The following OAS1 variants were observed in gnomAD, a reference collection of about 807,000 sequenced individuals.
The protein encoded by OAS1 is 2'-5'-oligoadenylate synthetase 1.
Under a neutral mutation model 38.5 loss-of-function variants are expected in OAS1, and 24 were observed. The ratio of observed to expected loss-of-function variants is 0.62; its 90% CI spans 0.45 to 0.88. OAS1 has a LOEUF of 0.88. Ranked by LOEUF, OAS1 falls within the 40% of genes least tolerant of loss-of-function variation. The pLI is 0.00. For missense variants in OAS1, 482 were observed against 493.9 expected (o/e 0.98, Z 0.23); for synonymous variants, 169 against 193.9 (o/e 0.87, Z 1.07).
rs2043309267 is a variant in OAS1, at chr12:112,907,213, G to A, written c.174G>A (p.Val58=). ...GSSYPVCVSK[V]VKGGSSGKGT... is the part of the protein sequence containing the mutation. ...CCTACCCTGTGTGTGTGTCCAAGGTGGTAAAGGTGAGTCCAGGCCTGCCTG... is the reference window on the plus strand; with the variant it reads ...CCTACCCTGTGTGTGTGTCCAAGGTAGTAAAGGTGAGTCCAGGCCTGCCTG... Residue 58 remains valine, a synonymous_variant, in exon 1 of 6, where the codon GTG becomes GTA. Coordinates refer to ENST00000202917, the MANE Select transcript of OAS1 (RefSeq NM_016816.4). 6.2e-7 allele frequency: 1 copy of A among 1,614,004 alleles called. No homozygotes were observed. Among genetic ancestry groups the A allele is most frequent in the African/African-American group, 1.3e-5 (1 of 74,914 alleles).
At chr12:112,922,726 C>A (rs1281961327), downstream of OAS1, among the ~76,000 whole-genome samples, 1 of 152,224 alleles carries the variant, frequency 6.6e-6, no homozygotes, top group African/African-American at 2.4e-5. Flanking sequence ...ATCCACTCCT[C>A]TTCACTGTGC....
In OAS1 at chr12:112,925,746, G is replaced by A. The variant is rs370273044; in HGVS notation, c.1167+6131G>A. Among the ~76,000 whole-genome samples the A allele has an allele frequency of 8.5e-4, 129 of 152,264 alleles. 1 individual carries two copies. The highest frequency in any genetic ancestry group is 7.2e-4 in the Admixed American group (11 of 15,286). The stretch of plus-strand genomic sequence containing the variant: ...GGCTGCAGTGAGCCATGATCAAGCC[G>A]CTGCACTCCAGCCTGGGCAACAGAA... On this transcript the variant is annotated intron_variant, in intron 6 of 6. Transcript: ENST00000540589.
At position 112,918,156 on chromosome 12, in the gene OAS1, C is replaced by A. The variant is rs533201363; in HGVS notation, c.1038+456C>A. On this transcript the variant is annotated intron_variant, in intron 5 of 5. Coordinates refer to ENST00000202917, the MANE Select transcript of OAS1 (RefSeq NM_016816.4). ...TTGATCCTGTCGCCCAAATAGTGAA[C>A]AGAGTACCCAAAAAGAATTTTTTCA... 9.8e-5 allele frequency: 20 copies of A among 203,370 alleles called. No individual in the cohort carries two copies. The South Asian group carries it at 1.7e-3, about 17-fold the overall frequency. 12.6% of individuals were successfully genotyped at this position (203,370 alleles called of 1,614,324 possible).
chr12:112,916,296 A>G (rs983462839), intron 3 of OAS1, among the ~76,000 whole-genome samples: 2 of 152,184 alleles, frequency 1.3e-5, no homozygotes, highest in Non-Finnish European at 2.9e-5. Flanking sequence ...AATATTTTAG[A>G]CTTTGTGGAC....
In OAS1 at chr12:112,909,930, C is replaced by G. The variant is rs574143179; in HGVS notation, c.469+1106C>G. Among the ~76,000 whole-genome samples, 6 of 152,202 alleles carry G rather than the reference C, an allele frequency of 3.9e-5. No individual in the cohort carries two copies. In the South Asian group the frequency reaches 1.2e-3, roughly 32 times the overall value. On this transcript the variant is annotated intron_variant, in intron 2 of 5. Transcript: ENST00000202917. ...AGTAATTAGGACTTAATTAAAGGAA[C>G]TGTCACAGTTTCCTTTAGTCCTAGG... is the stretch of plus-strand genomic sequence containing the variant.
At chr12:112,911,643 A>G (rs996058385) in intron 3 of OAS1, among the ~76,000 whole-genome samples, 2 of 152,214 alleles carry the variant, frequency 1.3e-5, no homozygotes, top group Admixed American at 6.5e-5. Flanking sequence ...ATATATGTTC[A>G]GATGCCCTTT....
At chr12:112,923,115 T>C (rs1305232623), downstream of OAS1, among the ~76,000 whole-genome samples, 1 of 152,248 alleles carries the variant, frequency 6.6e-6, no homozygotes, top group African/African-American at 2.4e-5. Context: ...ACATTAATTT[T>C]CTTTAACGAA....
intron 5 of OAS1, chr12:112,918,045 A>T: frequency 2.7e-6 from 2 of 736,092 alleles, no homozygotes; most frequent in Non-Finnish European, 1.9e-6. Flanking sequence ...GGCATTTTTA[A>T]AAATTTTTTA....
intron 5 of OAS1, chr12:112,917,974 G>A: frequency 7.3e-7 from 1 of 1,370,138 alleles, no homozygotes; most frequent in Non-Finnish European, 9.5e-7. Context: ...TTCGGGCTCA[G>A]GTTCTGTCCT....
chr12:112,911,183 GC>G lies in OAS1; in HGVS notation c.606del (p.Thr203ProfsTer9), dbSNP rs1565960097. On this transcript the variant is annotated frameshift_variant, in exon 3 of 6. Transcript: ENST00000202917. LOFTEE classifies it high-confidence loss of function. ...TELQRDFLKQ[R>X]PTKLKSLIRL... ...CTACAGAGAGACTTCCTGAAGCAGC[GC>G]CCCACCAAGCTCAAGAGCCTCATCC... 6.2e-7 allele frequency: 1 copy of G among 1,613,772 alleles called. No homozygotes were observed. Among genetic ancestry groups the G allele is most frequent in the African/African-American group, 1.3e-5 (1 of 74,884 alleles).
At chr12:112,922,336 T>G (rs1204284987), downstream of OAS1, among the ~76,000 whole-genome samples, 1 of 152,172 alleles carries the variant, frequency 6.6e-6, no homozygotes, top group Non-Finnish European at 1.5e-5. Flanking sequence ...ATGGCTCCCC[T>G]TAACCCCCTG....
At chr12:112,926,162 TG>T (rs1430956514) in intron 6 of OAS1, among the ~76,000 whole-genome samples, 2 of 152,116 alleles carry the variant, frequency 1.3e-5, no homozygotes, top group Non-Finnish European at 2.9e-5. Context: ...CAGGAGCCTG[TG>T]GGGGGTAATG....
chr12:112,917,090 G>T lies in OAS1; in HGVS notation c.884+352G>T, dbSNP rs2043471269. The T allele has an allele frequency of 2.3e-5, 8 of 342,790 alleles. No homozygotes were observed. In the South Asian group the frequency reaches 2.9e-4, roughly 12 times the overall value. The allele number at this position is 342,790 out of a possible 1,614,324, so 21.2% of individuals were successfully genotyped here. On this transcript the variant is annotated intron_variant, in intron 4 of 5. Transcript: ENST00000202917. Reference sequence around the variant, plus strand: ...TGCTCCCAGGTATTGAAAGCTTGTTGTAAGACTAACACATGCTAATATAAT... The same window carrying T: ...TGCTCCCAGGTATTGAAAGCTTGTTTTAAGACTAACACATGCTAATATAAT...
intron 2 of OAS1, 120 bp downstream of exon 2, chr12:112,908,944 G>A (rs2043339723): frequency 9.0e-7 from 1 of 1,105,348 alleles, no homozygotes. Context: ...GGAGATCTTA[G>A]GATCTGTCCC....
At chr12:112,931,627 C>A (rs1490193413) in intron 6 of OAS1, among the ~76,000 whole-genome samples, 1 of 152,220 alleles carries the variant, frequency 6.6e-6, no homozygotes. Flanking sequence ...CAGACTCAAA[C>A]TCAAGACCAT....
At chr12:112,918,951 A>G in intron 5 of OAS1, 1 of 256,282 alleles carries the variant, frequency 3.9e-6, no homozygotes. Flanking sequence ...CACTGGAACC[A>G]GCACTCAGGG....
chr12:112,909,397 G>A (rs1057362154), intron 2 of OAS1, among the ~76,000 whole-genome samples: 19 of 152,214 alleles, frequency 1.2e-4, no homozygotes, highest in Admixed American at 3.3e-4. Flanking sequence ...GGTGGCTCAT[G>A]CTTGTAATTC....
At chr12:112,908,338 T>A (rs1411806005) in intron 1 of OAS1, among the ~76,000 whole-genome samples, 198 bp from the exon 2 acceptor site, 1 of 152,172 alleles carries the variant, frequency 6.6e-6, no homozygotes, top group African/African-American at 2.4e-5. Flanking sequence ...GAGCATCCAT[T>A]TTCCCATCTG....
At chr12:112,908,300 G>T (rs1427616542) in intron 1 of OAS1, among the ~76,000 whole-genome samples, 18 of 152,168 alleles carry the variant, frequency 1.2e-4, no homozygotes, top group Admixed American at 1.2e-3. Flanking sequence ...CTACTAGCTG[G>T]GTGATGGGGC....
Sources: allele counts gnomAD v4.1 joint callset (sites outside exome capture counted in the v4.1 genomes callset), GRCh38; gene constraint gnomAD v4.1.1; transcripts MANE v1.5; gene names NCBI Gene and HGNC (gene_info 2026-07-23, HGNC 2026-07-21).